The following DNAH1 variants were observed in gnomAD, a reference collection of about 807,000 sequenced individuals.
DNAH1 encodes axonemal beta dynein heavy chain 1.
DNAH1 carries 327 observed loss-of-function variants against 484.3 expected under a neutral mutation model. The observed-to-expected ratio is 0.68, with a 90% confidence interval of 0.62 to 0.74. The LOEUF (loss-of-function observed/expected upper bound fraction) is 0.74. DNAH1 is among the 30% of genes least tolerant of loss of function. The pLI, the probability that DNAH1 is intolerant of heterozygous loss-of-function variation, is 0.00. For synonymous variants in DNAH1, 2,192 were observed against 2,191.9 expected (o/e 1.00, Z 0.00); for missense variants, 5,052 against 5,546.8 (o/e 0.91, Z 2.83).
chr3:52,342,143 A>G (rs1257948652), intron 8 of DNAH1, among the ~76,000 whole-genome samples: 1 of 152,246 alleles, frequency 6.6e-6, no homozygotes, highest in Non-Finnish European at 1.5e-5. Flanking sequence ...CAGAAGGAGC[A>G]GCAGTGCAGA....
Position 52,347,854 on chromosome 3 carries a change from C to G in DNAH1, c.1986C>G (p.Asp662Glu), listed in dbSNP as rs376991251. 6.2e-7 allele frequency: 1 copy of G among 1,600,504 alleles called. No individual in the cohort carries two copies. The highest frequency in any genetic ancestry group is 8.5e-7 in the Non-Finnish European group (1 of 1,172,974). ...GGAAGAATCCCCTGTTCATCATGGACCTGGTGCTGGACAGCTCTGGGGTGC... is the reference window on the plus strand; with the variant it reads ...GGAAGAATCCCCTGTTCATCATGGAGCTGGTGCTGGACAGCTCTGGGGTGC... ...RPRKNPLFIM[D>E]LVLDSSGVHY... The change falls in exon 12 of 78, where the codon GAC (aspartate) becomes GAG (glutamate). Residue 662 changes from aspartate (D) to glutamate (E), a missense_variant. Asp to Glu is a conservative substitution (Grantham distance 45, BLOSUM62 2). This residue lies in a region of DNAH1 where 1,263 missense variants were observed against 1,218.8 expected (regional missense o/e 1.04). Transcript: ENST00000420323.
intron 25 of DNAH1, 50 bp from the exon 26 acceptor site, chr3:52,359,196 G>A: frequency 1.3e-6 from 2 of 1,543,970 alleles, no homozygotes; most frequent in Non-Finnish European, 1.8e-6. Flanking sequence ...AGAAAGAATG[G>A]GATTGGGGCT....
rs140215292 is a variant in DNAH1 at position 52,358,486 on chromosome 3, G to A, written c.4087-72G>A. 226 of 1,483,296 alleles carry A rather than the reference G, an allele frequency of 1.5e-4. No individual in the cohort carries two copies. The African/African-American group carries it at 2.6e-3, about 17-fold the overall frequency. 91.9% of individuals were successfully genotyped at this position (1,483,296 alleles called of 1,614,324 possible). A position where few individuals can be genotyped will look rare whatever the true frequency, so the allele number is the denominator to read the frequency against. On this transcript the variant is annotated intron_variant, in intron 24 of 77. Transcript: ENST00000420323. The surrounding 1 kb of genome is among the most constrained non-coding windows in gnomAD (Gnocchi z 4.2). ...GTGGAGGGCACCGGGCAGGCTTAGCGCTGGGGCTGTGGTGGCCAGGGCATC... is the reference window on the plus strand; with the variant it reads ...GTGGAGGGCACCGGGCAGGCTTAGCACTGGGGCTGTGGTGGCCAGGGCATC...
In DNAH1 at chr3:52,370,214, CT is replaced by C; in HGVS notation, c.6246del (p.Leu2083CysfsTer14). Reference protein sequence around the residue: ...LKLLDCFFKPFLPREGLKKIP... With the variant: ...LKLLDCFFKPXLPREGLKKIP... ...AGCTGCTGGACTGCTTCTTCAAGCC[CT>C]TTCTGCCTAGAGAGGTACAGCCCTG... On this transcript the variant is annotated frameshift_variant, in exon 39 of 78. Coordinates refer to ENST00000420323, the MANE Select transcript of DNAH1 (RefSeq NM_015512.5). LOFTEE classifies it high-confidence loss of function. 6.2e-7 allele frequency: 1 copy of C among 1,613,910 alleles called. No individual in the cohort carries two copies. Among genetic ancestry groups the C allele is most frequent in the Non-Finnish European group, 8.5e-7 (1 of 1,179,846 alleles).
intron 59 of DNAH1, 54 bp from the exon 60 acceptor site, chr3:52,389,407 G>A: frequency 6.2e-7 from 1 of 1,606,966 alleles, no homozygotes; most frequent in East Asian, 2.2e-5. Flanking sequence ...GTGGGAGTTG[G>A]GAGGTCTCTG....
At chr3:52,374,022 C>T (rs993874099) in intron 44 of DNAH1, 10 of 1,028,782 alleles carry the variant, frequency 9.7e-6, no homozygotes, top group Admixed American at 1.8e-5. Flanking sequence ...TCTAATATAG[C>T]GAAGAAATAT....
At chr3:52,349,695 C>G (rs531175888) in intron 14 of DNAH1, among the ~76,000 whole-genome samples, 12 of 152,348 alleles carry the variant, frequency 7.9e-5, no homozygotes, top group African/African-American at 2.9e-4. Flanking sequence ...CCTTGACGGA[C>G]TTGTTTCATG....
In DNAH1 at chr3:52,370,115, C is replaced by T. The variant is rs1467977868; in HGVS notation, c.6144C>T (p.Ser2048=). The change falls in exon 39 of 78, where the codon TCC becomes TCT. Residue 2048 remains serine, a synonymous_variant. Transcript: ENST00000420323. ...KALFVSFLEE[S]ISFVRSSVKE... is the part of the protein sequence containing the mutation. Reference sequence around the variant, plus strand: ...TGGGTGCCTACTCCCTGCAGGAATCCATCTCCTTCGTTCGGTCCTCAGTGA... The same window carrying T: ...TGGGTGCCTACTCCCTGCAGGAATCTATCTCCTTCGTTCGGTCCTCAGTGA... 1 of 1,614,010 alleles carries T rather than the reference C, an allele frequency of 6.2e-7. No individual in the cohort carries two copies. The highest frequency in any genetic ancestry group is 8.5e-7 in the Non-Finnish European group (1 of 1,179,886).
chr3:52,331,409 G>A, intron 7 of DNAH1, 100 bp downstream of exon 7: 3 of 1,358,268 alleles, frequency 2.2e-6, no homozygotes, highest in Non-Finnish European at 3.0e-6. Flanking sequence ...GATCAGGTCT[G>A]AATTCTACTT....
intron 63 of DNAH1, 102 bp downstream of exon 63, chr3:52,391,705 C>T (rs950937837): frequency 1.4e-6 from 2 of 1,390,022 alleles, no homozygotes; most frequent in East Asian, 2.4e-5. Context: ...GACTTTCCCC[C>T]ACTCAAAGTC....
Position 52,353,584 on chromosome 3 carries a change from G to A in DNAH1, c.3431G>A (p.Ser1144Asn), listed in dbSNP as rs571987789. 327 of 1,611,696 alleles carry A rather than the reference G, an allele frequency of 2.0e-4. 1 individual carries two copies. The Middle Eastern group carries it at 3.0e-3, about 15-fold the overall frequency. The change falls in exon 20 of 78, where the codon AGC becomes AAC. Residue 1144 changes from serine (S) to asparagine (N), a missense_variant. Transcript: ENST00000420323. This position sits in a 1 kb window ranked among gnomAD's most constrained non-coding sequence, Gnocchi z 5.0. ...LEMNLQDHIESISKVAEVAGK... is the reference protein window; with the variant it reads ...LEMNLQDHIENISKVAEVAGK... The stretch of plus-strand genomic sequence containing the variant: ...ATGAACCTGCAGGACCATATCGAGA[G>A]CATCAGCAAGGTGGCTGAGGTGGCT...
At chr3:52,320,180 A>G (rs1701093482) in intron 1 of DNAH1, among the ~76,000 whole-genome samples, 1 of 152,206 alleles carries the variant, frequency 6.6e-6, no homozygotes, top group Non-Finnish European at 1.5e-5. Context: ...TCAAAGATGA[A>G]ACAGTCATCT....
At position 52,369,895 on chromosome 3, in the gene DNAH1, T is replaced by C. The variant is rs771330021; in HGVS notation, c.6014T>C (p.Met2005Thr). 1.9e-6 allele frequency: 3 copies of C among 1,613,862 alleles called. No homozygotes were observed. In the African/African-American group the frequency reaches 4.0e-5, roughly 22 times the overall value. ...ASPATVSRCG[M>T]VYLEPSILGL... ...CCAGCTACAGTCTCCCGCTGTGGCA[T>C]GGTGTACCTGGAGCCCAGCATCCTG... Residue 2005 changes from methionine to threonine, a missense_variant, in exon 38 of 78, where the codon ATG becomes ACG. Coordinates refer to ENST00000420323, the MANE Select transcript of DNAH1 (RefSeq NM_015512.5).
In DNAH1 at chr3:52,356,766, C is replaced by G. The variant is rs759891550; in HGVS notation, c.3846C>G (p.Tyr1282Ter). ...RIWKKIMKNA[Y>*]ENREVINVCS... ...GGAAGAAGATCATGAAGAATGCCTACGAGAACCGGGAGGCAAGCTCAATGA... is the reference window on the plus strand; with the variant it reads ...GGAAGAAGATCATGAAGAATGCCTAGGAGAACCGGGAGGCAAGCTCAATGA... The change falls in exon 22 of 78, where the codon TAC (tyrosine) becomes TAG (stop). Residue 1282 changes from tyrosine to a stop codon, truncating the protein, a stop_gained. Coordinates refer to ENST00000420323, the MANE Select transcript of DNAH1 (RefSeq NM_015512.5). LOFTEE classifies it high-confidence loss of function. The G allele has an allele frequency of 1.9e-6, 3 of 1,607,584 alleles. No individual in the cohort carries two copies. In the East Asian group the frequency reaches 6.7e-5, roughly 36 times the overall value.
Position 52,395,115 on chromosome 3 carries a change from C to T in DNAH1, c.10968+56C>T. On this transcript the variant is annotated intron_variant, in intron 68 of 77. Transcript: ENST00000420323. The surrounding 1 kb of genome is among the most constrained non-coding windows in gnomAD (Gnocchi z 4.4). ...CCTTGAGCTTGTCCCCACCCTGGGT[C>T]CCAGGGCCCTGGCTGCATCTGGATA... is the stretch of plus-strand genomic sequence containing the variant. The T allele has an allele frequency of 1.9e-6, 3 of 1,565,906 alleles. No individual in the cohort carries two copies. Among genetic ancestry groups the T allele is most frequent in the Non-Finnish European group, 2.6e-6 (3 of 1,154,334 alleles).
At chr3:52,366,652 ACCCCTC>A in intron 35 of DNAH1, 75 bp from the exon 36 acceptor site, 2 of 1,551,770 alleles carry the variant, frequency 1.3e-6, no homozygotes, top group Non-Finnish European at 1.8e-6. Context: ...GGCATAGAAT[ACCCCTC>A]CCCCTCCCCT....
chr3:52,369,710 C>G, intron 37 of DNAH1, 115 bp from the exon 38 acceptor site: 2 of 1,167,700 alleles, frequency 1.7e-6, no homozygotes, highest in Non-Finnish European at 2.4e-6. Context: ...TGCCCCACAG[C>G]CTGCCCACAC....
intron 44 of DNAH1, 50 bp from the exon 45 acceptor site, chr3:52,375,190 A>G (rs1308056446): frequency 1.3e-6 from 2 of 1,544,022 alleles, no homozygotes; most frequent in Non-Finnish European, 1.8e-6. Context: ...CACAAAGGTC[A>G]TAATGCAGCC....
rs374787052 is a variant in DNAH1, at chr3:52,381,686, A to G, written c.7655A>G (p.Asn2552Ser). The change falls in exon 49 of 78, where the codon AAC (asparagine) becomes AGC (serine). Residue 2552 changes from asparagine (N) to serine (S), a missense_variant. By Grantham distance (46) the Asn-to-Ser change is conservative. Around this residue, in one of 4 missense-constraint regions of DNAH1, gnomAD observed 2,929 missense variants for 3,409.4 expected, o/e 0.86. Coordinates refer to ENST00000420323, the MANE Select transcript of DNAH1 (RefSeq NM_015512.5). This position sits in a 1 kb window ranked among gnomAD's most constrained non-coding sequence, Gnocchi z 4.1. ...EEYIEDYNQI[N>S]TAKLKLVLFM... ...TACATAGAGGACTACAACCAGATCA[A>G]CACGGCCAAGCTGAAGCTGGTCCTC... The G allele has an allele frequency of 2.5e-6, 4 of 1,608,866 alleles. No homozygotes were observed. The highest frequency in any genetic ancestry group is 2.5e-6 in the Non-Finnish European group (3 of 1,177,950).
Sources: gnomAD v4.1 joint callset for allele counts (sites outside exome capture counted in the v4.1 genomes callset) on GRCh38, gnomAD v4.1.1 for gene constraint, gnomAD v4.1.1 regional missense constraint, Gnocchi (gnomAD v3.1) non-coding constraint, MANE v1.5 for transcripts, NCBI Gene and HGNC (gene_info 2026-07-23, HGNC 2026-07-21) for gene names.